Variants in CHD1L observed in about 807,000 individuals in gnomAD.
CHD1L encodes the protein ATP-dependent chromatin remodeler CHD1L.
CHD1L carries 118 observed loss-of-function variants against 115.9 expected under a neutral mutation model. The ratio of observed to expected loss-of-function variants is 1.02; its 90% CI spans 0.88 to 1.19. The LOEUF (loss-of-function observed/expected upper bound fraction) is 1.19. CHD1L is among the 50% of genes most tolerant of loss of function. The probability of loss-of-function intolerance (pLI) is 0.00; values close to 1 mark genes in which losing one functional copy is unlikely to be tolerated. For synonymous variants in CHD1L, 411 were observed against 387.1 expected (o/e 1.06, Z -0.72); for missense variants, 1,179 against 1,065.3 (o/e 1.11, Z -1.49).
Position 147,276,220 on chromosome 1 carries a change from T to C in CHD1L, c.1502T>C (p.Leu501Pro), listed in dbSNP as rs1678397217. The change falls in exon 14 of 23, where the codon CTG becomes CCG. Residue 501 changes from leucine to proline, a missense_variant. By Grantham distance (98) the Leu-to-Pro change is moderately conservative. Transcript: ENST00000369258. Reference protein sequence around the residue: ...NMIIEGGHFTLGAQKPAADAD... With the variant: ...NMIIEGGHFTPGAQKPAADAD... ...ATCATAGAAGGAGGCCATTTTACTC[T>C]GGGAGCCCAGAAACCCGCTGCCGAT... 1 of 1,614,054 alleles carries C rather than the reference T, an allele frequency of 6.2e-7. No homozygotes were observed. The highest frequency in any genetic ancestry group is 1.3e-5 in the African/African-American group (1 of 74,922).
chr1:147,290,293 C>T (rs1684991652), intron 19 of CHD1L, among the ~76,000 whole-genome samples: 2 of 152,108 alleles, frequency 1.3e-5, no homozygotes, highest in South Asian at 4.2e-4. Flanking sequence ...CCATGTTGCC[C>T]AGGCTGGCCT....
intron 4 of CHD1L, 123 bp from the exon 5 acceptor site, chr1:147,256,408 T>TA (rs1553940479): frequency 1.2e-6 from 1 of 851,856 alleles, no homozygotes; most frequent in African/African-American, 1.7e-5. Flanking sequence ...AACTTTTTTT[T>TA]ACTTAGTGAA....
At chr1:147,250,336 G>A (rs1479996182) in intron 1 of CHD1L, among the ~76,000 whole-genome samples, 5 of 152,074 alleles carry the variant, frequency 3.3e-5, no homozygotes, top group Non-Finnish European at 5.9e-5. Flanking sequence ...TTTAAATCAT[G>A]TTTAAACCTC....
the CHD1L span, among the ~76,000 whole-genome samples, chr1:147,181,679 T>C: frequency 6.6e-6 from 1 of 152,244 alleles, no homozygotes; most frequent in Non-Finnish European, 1.5e-5. Flanking sequence ...ACTAGTATTT[T>C]TCTCTTGTCA....
the CHD1L span, chr1:147,213,336 A>G: frequency 1.2e-6 from 2 of 1,612,416 alleles, no homozygotes; most frequent in South Asian, 1.1e-5. Flanking sequence ...GTAGATGAGC[A>G]TTGGTGTGAT....
the CHD1L span, chr1:147,216,082 T>G: frequency 1.6e-6 from 1 of 608,880 alleles, no homozygotes. Context: ...TGCCCTTATG[T>G]AGTCCCTTCC....
intron 1 of CHD1L, chr1:147,243,160 C>G (rs1200251286): frequency 9.8e-6 from 2 of 203,308 alleles, no homozygotes; most frequent in Non-Finnish European, 2.0e-5. Flanking sequence ...GCCTGGTGCA[C>G]CAAGGATGTA....
At chr1:147,293,528 G>C in intron 20 of CHD1L, 80 bp from the exon 21 acceptor site, 1 of 1,168,336 alleles carries the variant, frequency 8.6e-7, no homozygotes. Context: ...ATCAAGGGCT[G>C]TGCCGCCTCC....
the CHD1L span, chr1:147,215,941 T>C: frequency 6.2e-7 from 1 of 1,602,926 alleles, no homozygotes; most frequent in Non-Finnish European, 8.5e-7. Flanking sequence ...TTCAGGATTT[T>C]CCTGCAATAA....
chr1:147,268,953 TGTTCAGG>T, intron 10 of CHD1L, 75 bp downstream of exon 10: 1 of 1,150,724 alleles, frequency 8.7e-7, no homozygotes, highest in Non-Finnish European at 1.2e-6. Context: ...CTCACTGAGT[TGTTCAGG>T]CCAATTCCAG....
intron 1 of CHD1L, among the ~76,000 whole-genome samples, chr1:147,248,568 G>A (rs782242189): frequency 2.0e-5 from 3 of 152,132 alleles, no homozygotes; most frequent in Non-Finnish European, 2.9e-5. Flanking sequence ...TTATTACTAT[G>A]TTTGAGCTTA....
At chr1:147,213,581 G>A in the CHD1L span, 2 of 884,156 alleles carry the variant, frequency 2.3e-6, no homozygotes, top group Non-Finnish European at 3.2e-6. Flanking sequence ...GACCCATGCA[G>A]GGATATTTGA....
chr1:147,281,662 T>C (rs1300284021), intron 15 of CHD1L, among the ~76,000 whole-genome samples: 1 of 152,204 alleles, frequency 6.6e-6, no homozygotes, highest in African/African-American at 2.4e-5. Flanking sequence ...TCTGTTCTCA[T>C]TTCAAGGACA....
intron 14 of CHD1L, among the ~76,000 whole-genome samples, chr1:147,277,328 A>C (rs1480989089): frequency 2.0e-5 from 3 of 152,214 alleles, no homozygotes; most frequent in Non-Finnish European, 4.4e-5. Flanking sequence ...AAAAAGTGAC[A>C]CAATATTAGA....
At chr1:147,243,152 C>G (rs1665363965) in intron 1 of CHD1L, 1 of 213,320 alleles carries the variant, frequency 4.7e-6, no homozygotes. Context: ...GTTGGACGGC[C>G]TGGTGCACCA....
chr1:147,232,917 C>A, the CHD1L span, among the ~76,000 whole-genome samples: 1 of 152,186 alleles, frequency 6.6e-6, no homozygotes, highest in Admixed American at 6.5e-5. Flanking sequence ...TGCCTGGCCG[C>A]CACCCCATCT....
chr1:147,204,955 C>T, the CHD1L span: 1 of 1,420,488 alleles, frequency 7.0e-7, no homozygotes, highest in Non-Finnish European at 9.9e-7. Flanking sequence ...GGAAGCCGTT[C>T]ACGTGACCGC....
rs1669531092 is a variant in CHD1L at position 147,254,776 on chromosome 1, A to G, written c.241-94A>G. 1.1e-5 allele frequency: 8 copies of G among 735,824 alleles called. No homozygotes were observed. In the South Asian group the frequency reaches 2.3e-4, roughly 21 times the overall value. 45.6% of individuals were successfully genotyped at this position (735,824 alleles called of 1,614,324 possible). A position where few individuals can be genotyped will look rare whatever the true frequency, so the allele number is the denominator to read the frequency against. The stretch of plus-strand genomic sequence containing the variant: ...TTTCTTTGTAAAACAAGTCTTAAAC[A>G]AGAGTGTGTGTTCCCTACAGGGTTG... On this transcript the variant is annotated intron_variant, in intron 2 of 22. Coordinates refer to ENST00000369258, the MANE Select transcript of CHD1L (RefSeq NM_004284.6).
the CHD1L span, chr1:147,208,317 G>A: frequency 2.6e-5 from 4 of 152,312 alleles, no homozygotes; most frequent in African/African-American, 9.7e-5. Flanking sequence ...AATGAGAAAA[G>A]GGTTACTGCC....
Sources: gnomAD v4.1 joint callset for allele counts (sites outside exome capture counted in the v4.1 genomes callset) on GRCh38, gnomAD v4.1.1 for gene constraint, MANE v1.5 for transcripts, NCBI Gene and HGNC (gene_info 2026-07-23, HGNC 2026-07-21) for gene names.